NCOR2: variants seen among roughly 807,000 people sequenced by gnomAD.
The protein encoded by NCOR2 is CTG repeat protein 26.
NCOR2 carries 81 observed loss-of-function variants against 262.9 expected under a neutral mutation model. The ratio of observed to expected loss-of-function variants is 0.31; its 90% CI spans 0.26 to 0.37. The LOEUF (loss-of-function observed/expected upper bound fraction) is 0.37, where lower values mean the gene tolerates loss of function less well. NCOR2 is among the 10% of genes least tolerant of loss of function. NCOR2 has a pLI of 1.00. For missense variants in NCOR2, 3,385 were observed against 3,621.4 expected (o/e 0.93, Z 1.68); for synonymous variants, 1,659 against 1,559.3 (o/e 1.06, Z -1.51).
rs1451224384 is a variant in NCOR2 at position 124,432,278 on chromosome 12, G to A, written c.883-1491C>T. Among the ~76,000 whole-genome samples the A allele has an allele frequency of 1.3e-5, 2 of 152,164 alleles. No homozygotes were observed. The highest frequency in any genetic ancestry group is 2.9e-5 in the Non-Finnish European group (2 of 68,038). On this transcript the variant is annotated intron_variant, in intron 8 of 46. Coordinates refer to ENST00000405201, the Ensembl canonical transcript of NCOR2. This position sits in a 1 kb window ranked among gnomAD's most constrained non-coding sequence, Gnocchi z 5.1. ...CAGAAAGACAGGCACATAGTTGCAT[G>A]GCTATCCAGCAGACGGGGGCCCCTG... is the stretch of plus-strand genomic sequence containing the variant.
At chr12:124,561,611 G>A (rs1308605390) in intron 1 of NCOR2, among the ~76,000 whole-genome samples, 1 of 152,186 alleles carries the variant, frequency 6.6e-6, no homozygotes, top group Non-Finnish European at 1.5e-5. Flanking sequence ...ACAGACGGCA[G>A]GGAGAACGGA....
chr12:124,536,569 C>T (rs948289625), upstream of NCOR2, among the ~76,000 whole-genome samples: 8 of 152,172 alleles, frequency 5.3e-5, no homozygotes, highest in South Asian at 2.1e-4. Context: ...AGATGCCCAA[C>T]GTCATCAGTC....
intron 16 of NCOR2, among the ~76,000 whole-genome samples, chr12:124,391,502 CG>C (rs5801549): frequency 0.75 from 111,700 of 148,700 alleles, 43,026 homozygotes; most frequent in East Asian, 0.99. Flanking sequence ...CAAGCCCTGG[CG>C]GGGGGGGGGT....
intron 19 of NCOR2, 62 bp downstream of exon 21, chr12:124,374,351 G>A: frequency 2.6e-6 from 4 of 1,545,326 alleles, no homozygotes; most frequent in East Asian, 2.3e-5. Context: ...GGAGGACCGG[G>A]GACCTTGGGA....
At chr12:124,329,186 C>A (rs756781162) in intron 44 of NCOR2, 1 of 467,318 alleles carries the variant, frequency 2.1e-6, no homozygotes. Context: ...TCAGGCTGGG[C>A]GTGACTGCTC....
chr12:124,436,420 C>CA (rs908427187), intron 8 of NCOR2, among the ~76,000 whole-genome samples: 6 of 152,234 alleles, frequency 3.9e-5, no homozygotes, highest in Non-Finnish European at 7.3e-5. Flanking sequence ...TAGTTCCCAG[C>CA]CCTTGCCGCG....
chr12:124,372,599 T>G, exon 20 of NCOR2: 1 of 1,596,774 alleles, frequency 6.3e-7, no homozygotes, highest in Non-Finnish European at 8.5e-7. Context: ...TCTGAGCTGT[T>G]GTTGACAGTG....
intron 31 of NCOR2, 105 bp downstream of exon 33, chr12:124,346,459 G>C: frequency 8.0e-7 from 1 of 1,243,706 alleles, no homozygotes; most frequent in Non-Finnish European, 1.1e-6. Context: ...GGTACGCGAG[G>C]GCTCTCAGCC....
chr12:124,333,881 T>TGCGC lies in NCOR2; in HGVS notation c.6605+542_6605+543insGCGC, dbSNP rs1392106204. On this transcript the variant is annotated intron_variant, in intron 41 of 46. Transcript: ENST00000405201. ...ATGTGTGTGTGCGCATGTGTGCGGG[T>TGCGC]GTGCATGTGTGTGTGCGCGCGCATG... Among the ~76,000 whole-genome samples, 43 of 83,282 alleles carry TGCGC rather than the reference T, an allele frequency of 5.2e-4. 1 individual carries two copies. Among genetic ancestry groups the TGCGC allele is most frequent in the East Asian group, 3.5e-3 (8 of 2,276 alleles). 54.6% of individuals were successfully genotyped at this position (83,282 alleles called of 152,430 possible).
chr12:124,466,362 G>A (rs990312138), intron 4 of NCOR2, 76 bp from the exon 7 acceptor site: 2 of 1,399,012 alleles, frequency 1.4e-6, no homozygotes, highest in African/African-American at 2.9e-5. Flanking sequence ...AGGGCGCGGG[G>A]AGGCCCCCTT....
In NCOR2 at chr12:124,459,607, C is replaced by CCAGGGTACT. The variant is rs1442608523; in HGVS notation, c.706-2446_706-2445insAGTACCCTG. ...CCATTCACGAAACGGCCACACTCACCCAGGGTACCAAACTCCCATGACCTC... is the reference window on the plus strand; with the variant it reads ...CCATTCACGAAACGGCCACACTCACCCAGGGTACTCAGGGTACCAAACTCCCATGACCTC... On this transcript the variant is annotated intron_variant, in intron 5 of 46. Transcript: ENST00000405201. Among the ~76,000 whole-genome samples the CCAGGGTACT allele has an allele frequency of 3.3e-5, 5 of 152,272 alleles. No homozygotes were observed. The South Asian group carries it at 8.3e-4, about 25-fold the overall frequency.
upstream of NCOR2, among the ~76,000 whole-genome samples, chr12:124,497,281 C>A (rs2048427359): frequency 6.6e-6 from 1 of 152,250 alleles, no homozygotes; most frequent in Non-Finnish European, 1.5e-5. This position sits in a 1 kb window ranked among gnomAD's most constrained non-coding sequence, Gnocchi z 4.2. Flanking sequence ...TCGGTCCTGC[C>A]TGCGTGGGCT....
At chr12:124,357,949 G>A (rs904313551) in intron 22 of NCOR2, among the ~76,000 whole-genome samples, 3 of 150,458 alleles carry the variant, frequency 2.0e-5, no homozygotes, top group Non-Finnish European at 2.9e-5. Flanking sequence ...GTGAGTGCAT[G>A]GATGTGTGTG....
intron 1 of NCOR2, among the ~76,000 whole-genome samples, chr12:124,546,559 C>T (rs1055234652): frequency 1.3e-5 from 2 of 152,136 alleles, no homozygotes; most frequent in East Asian, 1.9e-4. Flanking sequence ...GGATTACAGG[C>T]GTCTGCCATC....
chr12:124,328,554 G>T (rs191564222), intron 44 of NCOR2: 2 of 150,118 alleles, frequency 1.3e-5, no homozygotes, highest in Non-Finnish European at 1.5e-5. Flanking sequence ...TGTGAACCAC[G>T]TGGAGGTGGG....
intron 16 of NCOR2, among the ~76,000 whole-genome samples, chr12:124,386,988 C>T (rs560184380): frequency 6.6e-6 from 1 of 152,374 alleles, no homozygotes; most frequent in East Asian, 1.9e-4. Flanking sequence ...GGTGCCCCTC[C>T]AGGGCAGCAG....
At chr12:124,418,172 A>G (rs2043011084) in intron 13 of NCOR2, among the ~76,000 whole-genome samples, 1 of 152,220 alleles carries the variant, frequency 6.6e-6, no homozygotes, top group African/African-American at 2.4e-5. Flanking sequence ...TAGAAGGGCA[A>G]GCAGACTGGT....
upstream of NCOR2, among the ~76,000 whole-genome samples, chr12:124,540,310 G>A (rs1443526171): frequency 6.7e-6 from 1 of 148,380 alleles, no homozygotes; most frequent in African/African-American, 2.5e-5. Context: ...CCATGAGGAA[G>A]GAAAAAAGAG....
chr12:124,454,843 C>T lies in NCOR2; in HGVS notation c.762+2263G>A, dbSNP rs1448872286. 6.6e-6 allele frequency among the ~76,000 whole-genome samples: 1 copy of T among 152,140 alleles called. No individual in the cohort carries two copies. Among genetic ancestry groups the T allele is most frequent in the East Asian group, 1.9e-4 (1 of 5,198 alleles). ...ATGAAGACGTACGTTCACATGGAAA[C>T]GGCACACTAATGTTCACAGCAACTT... On this transcript the variant is annotated intron_variant, in intron 6 of 46. Transcript: ENST00000405201. The surrounding 1 kb of genome is among the most constrained non-coding windows in gnomAD (Gnocchi z 5.6).
Sources: allele counts gnomAD v4.1 joint callset (sites outside exome capture counted in the v4.1 genomes callset), GRCh38; gene constraint gnomAD v4.1.1; non-coding constraint Gnocchi (gnomAD v3.1); transcripts MANE v1.5; gene names NCBI Gene and HGNC (gene_info 2026-07-23, HGNC 2026-07-21).